The following ARHGEF38 variants were observed in gnomAD, a reference collection of about 807,000 sequenced individuals.
ARHGEF38 encodes the protein Rho guanine nucleotide exchange factor (GEF) 38.
A neutral mutation model predicts 79.9 loss-of-function variants in ARHGEF38; 79 were observed. The ratio of observed to expected loss-of-function variants is 0.99; its 90% CI spans 0.82 to 1.19. The LOEUF is 1.19. Ranked by LOEUF, ARHGEF38 falls within the 50% of genes most tolerant of loss-of-function variation. The probability of loss-of-function intolerance (pLI) is 0.00; values close to 1 mark genes in which losing one functional copy is unlikely to be tolerated. For missense variants in ARHGEF38, 962 were observed against 907.2 expected, an observed-to-expected ratio of 1.06 and a Z score of -0.78; for synonymous variants, 366 against 328.3, an observed-to-expected ratio of 1.11 and a Z score of -1.24.
At chr4:105,596,664 C>A (rs1317705848) in intron 2 of ARHGEF38, among the ~76,000 whole-genome samples, 1 of 152,198 alleles carries the variant, frequency 6.6e-6, no homozygotes, top group Non-Finnish European at 1.5e-5. Context: ...TATCCCTTTG[C>A]TGTGTTTTTC....
intron 2 of ARHGEF38, among the ~76,000 whole-genome samples, chr4:105,598,316 A>T (rs1350719289): frequency 6.6e-6 from 1 of 152,184 alleles, no homozygotes; most frequent in Non-Finnish European, 1.5e-5. Context: ...TAGTGAGTAC[A>T]GATATCCAAA....
chr4:105,555,283 C>T (rs921020162), intron 1 of ARHGEF38, among the ~76,000 whole-genome samples: 9 of 152,054 alleles, frequency 5.9e-5, no homozygotes, highest in African/African-American at 1.9e-4. Context: ...ATAGGCTGGC[C>T]TCCTGAGAAG....
intron 7 of ARHGEF38, among the ~76,000 whole-genome samples, chr4:105,649,870 T>C (rs1474681468): frequency 2.6e-5 from 4 of 152,224 alleles, no homozygotes; most frequent in Non-Finnish European, 5.9e-5. Flanking sequence ...AAGAACAACA[T>C]CTTTGAAGTT....
Position 105,619,446 on chromosome 4 carries a change from T to C in ARHGEF38, c.508+5939T>C, listed in dbSNP as rs149268700. On this transcript the variant is annotated intron_variant, in intron 3 of 13. Transcript: ENST00000420470. ...TAAATGCTGCCCAATTGTTGACCCA[T>C]ACAATTGTGAGCAAACGAACAGTTA... is the stretch of plus-strand genomic sequence containing the variant. 4.4e-3 allele frequency among the ~76,000 whole-genome samples: 664 copies of C among 152,166 alleles called. 9 individuals are homozygous for C. Among genetic ancestry groups the C allele is most frequent in the African/African-American group, 0.015 (628 of 41,514 alleles).
At chr4:105,630,427 A>G (rs1271121110) in intron 3 of ARHGEF38, among the ~76,000 whole-genome samples, 3 of 151,978 alleles carry the variant, frequency 2.0e-5, no homozygotes, top group Non-Finnish European at 4.4e-5. Context: ...TATTTTTAGT[A>G]GAGACGGGGT....
chr4:105,659,886 T>TGTGTGC (rs35842406), intron 10 of ARHGEF38, among the ~76,000 whole-genome samples: 8,177 of 150,596 alleles, frequency 0.054, 250 homozygotes, highest in Middle Eastern at 0.092. Flanking sequence ...TGTGTGTGTG[T>TGTGTGC]GTAGCTTCGC....
chr4:105,646,021 C>G (rs1377235950), intron 6 of ARHGEF38, among the ~76,000 whole-genome samples: 1 of 152,138 alleles, frequency 6.6e-6, no homozygotes, highest in East Asian at 1.9e-4. Context: ...ATGCATTGAG[C>G]TAGGCTGTGG....
At chr4:105,570,280 AG>A in intron 1 of ARHGEF38, 1 of 152,254 alleles carries the variant, frequency 6.6e-6, no homozygotes, top group Non-Finnish European at 1.5e-5. Context: ...CTCTTATTAT[AG>A]GCTTATCACA....
intron 13 of ARHGEF38, among the ~76,000 whole-genome samples, chr4:105,670,979 T>G (rs1346386447): frequency 6.6e-6 from 1 of 152,144 alleles, no homozygotes; most frequent in East Asian, 1.9e-4. Context: ...TCAAAGCAAT[T>G]TTCTCCAAGC....
intron 13 of ARHGEF38, among the ~76,000 whole-genome samples, chr4:105,673,696 G>C (rs1260018824): frequency 6.6e-6 from 1 of 152,130 alleles, no homozygotes; most frequent in Non-Finnish European, 1.5e-5. Flanking sequence ...TGGAAGGAAG[G>C]AAAGAAGGAA....
chr4:105,577,180 C>T (rs561969409), intron 1 of ARHGEF38, among the ~76,000 whole-genome samples: 2 of 150,194 alleles, frequency 1.3e-5, no homozygotes, highest in South Asian at 2.1e-4. Context: ...ATACATGTGC[C>T]GTGCTGGTGT....
Position 105,636,416 on chromosome 4 carries a change from C to A in ARHGEF38, c.670C>A (p.Gln224Lys). Residue 224 changes from glutamine to lysine, a missense_variant, in exon 5 of 14, where the codon CAA becomes AAA. By Grantham distance (53) the Gln-to-Lys change is moderately conservative. Transcript: ENST00000420470. ...CTTCTCTTACAGGAAAATATACATG[C>A]AAGAGTAAGTACTTTTTAAAATAAT... ...CIQSLKKIYM[Q>K]EGKPNLLDMG... 2.3e-6 allele frequency: 1 copy of A among 444,356 alleles called. No individual in the cohort carries two copies. The highest frequency in any genetic ancestry group is 4.3e-5 in the South Asian group (1 of 23,092). The allele number at this position is 444,356 out of a possible 1,614,324, so 27.5% of individuals were successfully genotyped here. A position where few individuals can be genotyped will look rare whatever the true frequency, so the allele number is the denominator to read the frequency against.
At chr4:105,578,205 G>A (rs1377755179) in intron 1 of ARHGEF38, among the ~76,000 whole-genome samples, 3 of 152,060 alleles carry the variant, frequency 2.0e-5, no homozygotes, top group South Asian at 2.1e-4. Flanking sequence ...GGAGCAGATC[G>A]TTTAATTTCC....
chr4:105,661,834 G>A (rs186402126), intron 10 of ARHGEF38, among the ~76,000 whole-genome samples: 1 of 151,944 alleles, frequency 6.6e-6, no homozygotes, highest in Non-Finnish European at 1.5e-5. Context: ...CATATAAATG[G>A]AATCATACAA....
At chr4:105,682,196 A>T (rs1365095733), downstream of ARHGEF38, among the ~76,000 whole-genome samples, 1 of 152,206 alleles carries the variant, frequency 6.6e-6, no homozygotes, top group East Asian at 1.9e-4. Flanking sequence ...TATAATATGA[A>T]GTATGATAAA....
chr4:105,569,064 C>G (rs983221666), intron 1 of ARHGEF38, among the ~76,000 whole-genome samples: 1 of 152,012 alleles, frequency 6.6e-6, no homozygotes, highest in Non-Finnish European at 1.5e-5. Flanking sequence ...CAGAGGGGAA[C>G]CTTAATCTAA....
chr4:105,588,158 A>AT (rs1727148194), intron 1 of ARHGEF38, among the ~76,000 whole-genome samples: 2 of 152,104 alleles, frequency 1.3e-5, no homozygotes, highest in Non-Finnish European at 2.9e-5. Context: ...AACACTGTTT[A>AT]TTTTCACTTT....
At chr4:105,666,895 G>GT (rs1444755999) in intron 11 of ARHGEF38, among the ~76,000 whole-genome samples, 2 of 152,150 alleles carry the variant, frequency 1.3e-5, no homozygotes, top group Non-Finnish European at 2.9e-5. Flanking sequence ...TCTTATTCTT[G>GT]TTTTTTCTTC....
At chr4:105,585,073 A>C (rs1560701965) in intron 1 of ARHGEF38, among the ~76,000 whole-genome samples, 4 of 152,196 alleles carry the variant, frequency 2.6e-5, no homozygotes, top group Non-Finnish European at 5.9e-5. Context: ...CTTTAGAGTC[A>C]TGCATTTTTC....
Sources: allele counts gnomAD v4.1 joint callset (sites outside exome capture counted in the v4.1 genomes callset), GRCh38; gene constraint gnomAD v4.1.1; transcripts MANE v1.5; gene names NCBI Gene and HGNC (gene_info 2026-07-23, HGNC 2026-07-21).